Variants in SYT7 observed in about 807,000 individuals in gnomAD.
SYT7 encodes synaptotagmin-7.
A neutral mutation model predicts 75.1 loss-of-function variants in SYT7; 29 were observed. The observed-to-expected ratio is 0.39, with a 90% CI of 0.29 to 0.53. SYT7 has a LOEUF of 0.53. Among genes scored for constraint, SYT7 ranks in the 20% least tolerant of loss-of-function variants. The pLI, the probability that SYT7 is intolerant of heterozygous loss-of-function variation, is 0.77. For missense variants in SYT7, 693 were observed against 953.2 expected (o/e 0.73, Z 3.59); for synonymous variants, 376 against 401.7 (o/e 0.94, Z 0.76).
Position 61,528,039 on chromosome 11 carries a change from G to A in SYT7, c.1347C>T (p.Asp449=). The A allele has an allele frequency of 6.2e-7, 1 of 1,614,140 alleles. No homozygotes were observed. The highest frequency in any genetic ancestry group is 8.5e-7 in the Non-Finnish European group (1 of 1,180,036). ...CGAAGGGGTCGCTGGTGCCGCTGAA[G>A]TCCTTGGCCGGCAGCTCCTGGGCCT... ...IMKAQELPAK[D]FSGTSDPFVK... The change falls in exon 9 of 13, where the codon GAC becomes GAT. Residue 449 remains aspartate (D), a synonymous_variant. Transcript: ENST00000539008.
rs375729679 is a variant in SYT7 at position 61,523,164 on chromosome 11, C to T, written c.1867G>A (p.Asp623Asn). The change falls in exon 12 of 13, where the codon GAT (aspartate) becomes AAT (asparagine). Residue 623 changes from aspartate to asparagine, a missense_variant. This residue lies in a region of SYT7 where 206 missense variants were observed against 360.0 expected (regional missense o/e 0.57). Coordinates refer to ENST00000539008, the MANE Select transcript of SYT7 (RefSeq NM_001365809.2). This position sits in a 1 kb window ranked among gnomAD's most constrained non-coding sequence, Gnocchi z 5.0. The part of the protein sequence containing the change: ...NPIFNESFAF[D>N]IPTEKLRETT... ...TCCCTCAGCTTCTCCGTGGGGATAT[C>T]GAAGGCGAAGGACTCATTGAAGATG... 2.5e-6 allele frequency: 4 copies of T among 1,614,054 alleles called. No homozygotes were observed. Among genetic ancestry groups the T allele is most frequent in the African/African-American group, 1.3e-5 (1 of 74,920 alleles).
chr11:61,530,028 C>A (rs2062655155), intron 8 of SYT7, among the ~76,000 whole-genome samples: 1 of 152,202 alleles, frequency 6.6e-6, no homozygotes, highest in Admixed American at 6.5e-5. Flanking sequence ...TGACCTCTTA[C>A]AACATCCCAA....
In SYT7 at chr11:61,556,108, T is replaced by C; in HGVS notation, c.131A>G (p.Lys44Arg). 1 of 1,613,570 alleles carries C rather than the reference T, an allele frequency of 6.2e-7. No individual in the cohort carries two copies. The highest frequency in any genetic ancestry group is 1.1e-5 in the South Asian group (1 of 90,934). ...AGGGGCCCTCAGGAGCCTCACCAGT[T>C]TGCGCTGACACCAGTGGCAGAGGCC... ...LCGLCHWCQRKLGKRYKNSLE... is the reference protein window; with the variant it reads ...LCGLCHWCQRRLGKRYKNSLE... The change falls in exon 2 of 13, where the codon AAA (lysine) becomes AGA (arginine). Residue 44 changes from lysine (K) to arginine (R), a missense_variant. Physicochemically the swap from Lys to Arg is conservative, Grantham distance 26. Coordinates refer to ENST00000539008, the MANE Select transcript of SYT7 (RefSeq NM_001365809.2).
In SYT7 at chr11:61,516,853, G is replaced by A. The variant is rs1233330702; in HGVS notation, c.*1774C>T. On this transcript the variant is annotated 3_prime_UTR_variant, in exon 13 of 13. Coordinates refer to ENST00000539008, the MANE Select transcript of SYT7 (RefSeq NM_001365809.2). This position sits in a 1 kb window ranked among gnomAD's most constrained non-coding sequence, Gnocchi z 4.6. Reference sequence around the variant, plus strand: ...CCAGATCCCAGGGAGAGGAAATGGTGGGGGTGTGCGATTTAATTTCAGAAA... The same window carrying A: ...CCAGATCCCAGGGAGAGGAAATGGTAGGGGTGTGCGATTTAATTTCAGAAA... The A allele has an allele frequency of 1.2e-5, 2 of 171,962 alleles. No individual in the cohort carries two copies. Among genetic ancestry groups the A allele is most frequent in the African/African-American group, 4.7e-5 (2 of 42,328 alleles). 10.7% of individuals were successfully genotyped at this position (171,962 alleles called of 1,614,324 possible). A position where few individuals can be genotyped will look rare whatever the true frequency, so the allele number is the denominator to read the frequency against.
Position 61,523,405 on chromosome 11 carries a change from G to T in SYT7, c.1757-131C>A. On this transcript the variant is annotated intron_variant, in intron 11 of 12. Coordinates refer to ENST00000539008, the MANE Select transcript of SYT7 (RefSeq NM_001365809.2). The surrounding 1 kb of genome is among the most constrained non-coding windows in gnomAD (Gnocchi z 5.0). Reference sequence around the variant, plus strand: ...TTCCCCAGAGGCAAGGAAAGACCCAGGCAAGAACAAGAGGGACCTGGGAGA... The same window carrying T: ...TTCCCCAGAGGCAAGGAAAGACCCATGCAAGAACAAGAGGGACCTGGGAGA... 2 of 863,082 alleles carry T rather than the reference G, an allele frequency of 2.3e-6. No homozygotes were observed. The highest frequency in any genetic ancestry group is 1.8e-6 in the Non-Finnish European group (1 of 545,692). 53.5% of individuals were successfully genotyped at this position (863,082 alleles called of 1,614,324 possible). A position where few individuals can be genotyped will look rare whatever the true frequency, so the allele number is the denominator to read the frequency against.
chr11:61,518,680 T>A lies in SYT7; in HGVS notation c.2008A>T (p.Met670Leu). ...GPGEVKHWKD[M>L]IARPRQPVAQ... The stretch of plus-strand genomic sequence containing the variant: ...ACGGGCTGCCGGGGACGGGCAATCA[T>A]GTCCTTCCAGTGCTTCACCTCCCCT... The change falls in exon 13 of 13, where the codon ATG becomes TTG. Residue 670 changes from methionine (M) to leucine (L), a missense_variant. Around this residue, in one of 2 missense-constraint regions of SYT7, gnomAD observed 206 missense variants for 360.0 expected, o/e 0.57. Transcript: ENST00000539008. 6.5e-7 allele frequency: 1 copy of A among 1,550,192 alleles called. No homozygotes were observed. Among genetic ancestry groups the A allele is most frequent in the Non-Finnish European group, 8.7e-7 (1 of 1,146,094 alleles).
intron 1 of SYT7, among the ~76,000 whole-genome samples, chr11:61,556,691 C>T (rs2063509571): frequency 6.6e-6 from 1 of 152,236 alleles, no homozygotes; most frequent in Non-Finnish European, 1.5e-5. Flanking sequence ...TCCTTATTAG[C>T]TCTGACAGCC....
At chr11:61,581,178 G>T (rs2064260392), upstream of SYT7, 2 of 149,022 alleles carry the variant, frequency 1.3e-5, no homozygotes, top group South Asian at 3.7e-4. Flanking sequence ...GCCAGCCGCC[G>T]AACGCCGCGG....
At chr11:61,533,304 G>A (rs1431368434) in intron 7 of SYT7, 180 bp from the exon 8 acceptor site, 1 of 985,306 alleles carries the variant, frequency 1.0e-6, no homozygotes, top group Non-Finnish European at 1.2e-6. Flanking sequence ...CCATGCCCGG[G>A]GCCCATTCTC....
rs367597484 is a variant in SYT7 at position 61,553,997 on chromosome 11, G to A, written c.135+2107C>T. ...GGGGAGGGGGTGGCAGGGCTTGGGG[G>A]ACTGGGGAGAGTAGCATTCTATCCA... On this transcript the variant is annotated intron_variant, in intron 2 of 12. Coordinates refer to ENST00000539008, the MANE Select transcript of SYT7 (RefSeq NM_001365809.2). The surrounding 1 kb of genome is among the most constrained non-coding windows in gnomAD (Gnocchi z 5.2). 2.6e-3 allele frequency among the ~76,000 whole-genome samples: 395 copies of A among 152,212 alleles called. 4 individuals carry two copies. Among genetic ancestry groups the A allele is most frequent in the African/African-American group, 9.1e-3 (379 of 41,512 alleles).
At chr11:61,545,713 G>C (rs1010541823) in intron 5 of SYT7, among the ~76,000 whole-genome samples, 1 of 152,196 alleles carries the variant, frequency 6.6e-6, no homozygotes, top group Non-Finnish European at 1.5e-5. Context: ...GAGATGGGGG[G>C]GCCAATCAAA....
intron 1 of SYT7, among the ~76,000 whole-genome samples, chr11:61,566,113 C>T (rs1200744638): frequency 6.6e-6 from 1 of 152,260 alleles, no homozygotes; most frequent in East Asian, 1.9e-4. Flanking sequence ...CATGCCTTCC[C>T]TACCTCTGCT....
intron 1 of SYT7, among the ~76,000 whole-genome samples, chr11:61,579,024 G>A (rs145999914): frequency 1.2e-4 from 18 of 152,332 alleles, no homozygotes; most frequent in African/African-American, 4.1e-4. Context: ...TCCGTGGTGA[G>A]GGCAGAGGTG....
rs1317891365 is a variant in SYT7 at position 61,518,448 on chromosome 11, G to T, written c.*179C>A. Reference sequence around the variant, plus strand: ...CCTTCCCCGGAGCTGGACTGTGGGGGATGGGGCTGGTACTTCCTAGAAACG... The same window carrying T: ...CCTTCCCCGGAGCTGGACTGTGGGGTATGGGGCTGGTACTTCCTAGAAACG... On this transcript the variant is annotated 3_prime_UTR_variant, in exon 13 of 13. Transcript: ENST00000539008. 30 of 463,712 alleles carry T rather than the reference G, an allele frequency of 6.5e-5. No individual in the cohort carries two copies. The East Asian group carries it at 6.7e-4, about 10-fold the overall frequency. The allele number at this position is 463,712 out of a possible 1,614,324, so 28.7% of individuals were successfully genotyped here. A position where few individuals can be genotyped will look rare whatever the true frequency, so the allele number is the denominator to read the frequency against.
At chr11:61,587,609 C>T in the SYT7 span, among the ~76,000 whole-genome samples, 1 of 152,256 alleles carries the variant, frequency 6.6e-6, no homozygotes, top group Non-Finnish European at 1.5e-5. Flanking sequence ...GCAGAAGGCG[C>T]GCCTGGGCTG....
At chr11:61,540,618 C>A in intron 6 of SYT7, 1 of 985,476 alleles carries the variant, frequency 1.0e-6, no homozygotes, top group Non-Finnish European at 1.2e-6. Context: ...CTGGACGAAT[C>A]CCAGTTAGTT....
At chr11:61,549,501 A>G (rs1182614856) in intron 3 of SYT7, among the ~76,000 whole-genome samples, 1 of 152,236 alleles carries the variant, frequency 6.6e-6, no homozygotes, top group African/African-American at 2.4e-5. Flanking sequence ...GCACTGCTAA[A>G]GAACACAGTT....
chr11:61,540,315 C>T (rs1208897626), intron 6 of SYT7: 7 of 190,570 alleles, frequency 3.7e-5, no homozygotes, highest in Non-Finnish European at 6.8e-5. Flanking sequence ...GAGCCACCAG[C>T]GTTTGGGCAA....
chr11:61,541,616 A>G (rs1363984582), intron 6 of SYT7, among the ~76,000 whole-genome samples: 1 of 151,534 alleles, frequency 6.6e-6, no homozygotes. Flanking sequence ...TACTGGAGGA[A>G]GGAGACTTGG....
Sources: gnomAD v4.1 joint callset for allele counts (sites outside exome capture counted in the v4.1 genomes callset) on GRCh38, gnomAD v4.1.1 for gene constraint, gnomAD v4.1.1 regional missense constraint, Gnocchi (gnomAD v3.1) non-coding constraint, MANE v1.5 for transcripts, NCBI Gene and HGNC (gene_info 2026-07-23, HGNC 2026-07-21) for gene names.